Variants in NXPE2 observed in about 807,000 individuals in gnomAD.
NXPE2 encodes neurexophilin and PC-esterase domain family member 2, also known as NXPE family member 2.
A neutral mutation model predicts 34.4 loss-of-function variants in NXPE2; 34 were observed. That is an observed-to-expected ratio of 0.99 (90% confidence interval 0.75 to 1.31). The LOEUF is 1.31. NXPE2 is among the 40% of genes most tolerant of loss of function. The pLI, the probability that NXPE2 is intolerant of heterozygous loss-of-function variation, is 0.00. For missense variants in NXPE2, 649 were observed against 672.5 expected, an observed-to-expected ratio of 0.97 and a Z score of 0.39; for synonymous variants, 235 against 231.3, an observed-to-expected ratio of 1.02 and a Z score of -0.15.
chr11:114,549,867 G>T, the NXPE2 span, among the ~76,000 whole-genome samples: 1 of 151,826 alleles, frequency 6.6e-6, no homozygotes, highest in South Asian at 2.1e-4. Context: ...AATAATAAAA[G>T]AATTTAGTAA....
chr11:114,514,257 G>A, the NXPE2 span, among the ~76,000 whole-genome samples: 24 of 152,236 alleles, frequency 1.6e-4, no homozygotes, highest in East Asian at 3.5e-3. Flanking sequence ...ATTGCTGGAC[G>A]TATAGGTTTT....
chr11:114,811,765 A>G, the NXPE2 span, among the ~76,000 whole-genome samples: 2 of 152,312 alleles, frequency 1.3e-5, no homozygotes, highest in East Asian at 3.9e-4. Context: ...ATGGCATTGC[A>G]CTGTGGTCAC....
the NXPE2 span, among the ~76,000 whole-genome samples, chr11:114,607,669 T>G: frequency 2.0e-5 from 3 of 151,696 alleles, no homozygotes; most frequent in Non-Finnish European, 2.9e-5. Context: ...CAGTGGATAA[T>G]AAGTGTTGAG....
the NXPE2 span, chr11:114,526,372 C>A: frequency 6.6e-6 from 1 of 151,004 alleles, no homozygotes; most frequent in Non-Finnish European, 1.5e-5. Flanking sequence ...TAAAATCATC[C>A]CATCTAGAGA....
the NXPE2 span, among the ~76,000 whole-genome samples, chr11:114,671,156 T>C: frequency 6.7e-6 from 1 of 150,244 alleles, no homozygotes; most frequent in African/African-American, 2.4e-5. Context: ...ATATGAAAAG[T>C]TAACTAGTGA....
chr11:114,811,225 A>G, the NXPE2 span, among the ~76,000 whole-genome samples: 1 of 151,304 alleles, frequency 6.6e-6, no homozygotes, highest in Non-Finnish European at 1.5e-5. Context: ...CAAGAGATAT[A>G]CCTAATGCTA....
At chr11:114,558,736 A>G in the NXPE2 span, among the ~76,000 whole-genome samples, 2 of 152,212 alleles carry the variant, frequency 1.3e-5, no homozygotes, top group Admixed American at 6.5e-5. Context: ...ATGTAAGAGT[A>G]CAAATTAACA....
At chr11:114,769,008 C>T in the NXPE2 span, among the ~76,000 whole-genome samples, 1 of 152,094 alleles carries the variant, frequency 6.6e-6, no homozygotes. Context: ...AAACTATCAT[C>T]AGAGTGAACA....
At chr11:114,725,737 T>G in the NXPE2 span, among the ~76,000 whole-genome samples, 1 of 151,826 alleles carries the variant, frequency 6.6e-6, no homozygotes, top group African/African-American at 2.4e-5. Flanking sequence ...TTTACTTAAT[T>G]GAGCTCAAAC....
At chr11:114,758,112 T>C in the NXPE2 span, among the ~76,000 whole-genome samples, 8 of 152,156 alleles carry the variant, frequency 5.3e-5, no homozygotes, top group African/African-American at 1.9e-4. Flanking sequence ...AATGGAAATA[T>C]TTGTGAGCAG....
At position 114,706,963 on chromosome 11, in the gene NXPE2, C is replaced by T. The variant is rs1342290812; in HGVS notation, c.*33C>T. On this transcript the variant is annotated 3_prime_UTR_variant, in exon 6 of 6. Transcript: ENST00000389586. ...ATACAAAAATAGCACTAGCCACTTT[C>T]TATAGATGATCTCACATATACAGCG... 6.8e-7 allele frequency: 1 copy of T among 1,480,650 alleles called. No homozygotes were observed. The highest frequency in any genetic ancestry group is 1.3e-5 in the South Asian group (1 of 76,724). 91.7% of individuals were successfully genotyped at this position (1,480,650 alleles called of 1,614,324 possible).
chr11:114,602,458 TA>T, the NXPE2 span, among the ~76,000 whole-genome samples: 3 of 134,716 alleles, frequency 2.2e-5, no homozygotes, highest in African/African-American at 8.0e-5. Context: ...ATATTATAAA[TA>T]ATATATAAAT....
chr11:114,580,980 G>A, the NXPE2 span, among the ~76,000 whole-genome samples: 16 of 152,254 alleles, frequency 1.1e-4, no homozygotes, highest in South Asian at 2.5e-3. Flanking sequence ...ACTGAGAGAA[G>A]TAGTTTAATA....
downstream of NXPE2, among the ~76,000 whole-genome samples, chr11:114,709,587 C>T (rs564029814): frequency 6.6e-6 from 1 of 152,258 alleles, no homozygotes; most frequent in South Asian, 2.1e-4. Flanking sequence ...CCCATTTATG[C>T]ACAATGGAAT....
the NXPE2 span, among the ~76,000 whole-genome samples, chr11:114,510,962 T>C: frequency 6.6e-6 from 1 of 152,136 alleles, no homozygotes; most frequent in South Asian, 2.1e-4. Flanking sequence ...ATTTAAAAAC[T>C]GTACATAATT....
the NXPE2 span, among the ~76,000 whole-genome samples, chr11:114,650,297 C>T: frequency 2.0e-5 from 3 of 152,158 alleles, no homozygotes; most frequent in Non-Finnish European, 4.4e-5. Context: ...AATTGTTAAA[C>T]GCCAAATGTG....
At chr11:114,667,519 C>G in the NXPE2 span, among the ~76,000 whole-genome samples, 3 of 152,112 alleles carry the variant, frequency 2.0e-5, no homozygotes, top group South Asian at 2.1e-4. Flanking sequence ...ATGGATTTGT[C>G]TTGCTTCTAA....
rs1565386533 is a variant in NXPE2 at position 114,696,342 on chromosome 11, A to AC, written c.133-1703_133-1702insC. On this transcript the variant is annotated intron_variant, in intron 2 of 5. Coordinates refer to ENST00000389586, the MANE Select transcript of NXPE2 (RefSeq NM_182495.6). ...GTGAGACTCCATATCAAAAAAACCA[A>AC]AAAAAAAAAAAAAAAAAGAAAGAAA... Among the ~76,000 whole-genome samples, 685 of 104,548 alleles carry AC rather than the reference A, an allele frequency of 6.6e-3. 8 individuals carry two copies. Among genetic ancestry groups the AC allele is most frequent in the African/African-American group, 0.02 (669 of 33,370 alleles). 68.6% of individuals were successfully genotyped at this position (104,548 alleles called of 152,430 possible). A position where few individuals can be genotyped will look rare whatever the true frequency, so the allele number is the denominator to read the frequency against.
the NXPE2 span, among the ~76,000 whole-genome samples, chr11:114,554,668 C>G: frequency 6.6e-6 from 1 of 152,126 alleles, no homozygotes; most frequent in Non-Finnish European, 1.5e-5. Flanking sequence ...AGTGATATTT[C>G]AAGATTCTTT....
Sources: gnomAD v4.1 joint callset for allele counts (sites outside exome capture counted in the v4.1 genomes callset) on GRCh38, gnomAD v4.1.1 for gene constraint, MANE v1.5 for transcripts, NCBI Gene and HGNC (gene_info 2026-07-23, HGNC 2026-07-21) for gene names.